Variants in FGF9 observed in about 807,000 individuals in gnomAD.
FGF9 encodes the protein fibroblast growth factor 9.
FGF9 carries 3 observed loss-of-function variants against 19.9 expected under a neutral mutation model. The ratio of observed to expected loss-of-function variants is 0.15; its 90% CI spans 0.07 to 0.39. The LOEUF (loss-of-function observed/expected upper bound fraction) is 0.39. FGF9 is among the 10% of genes least tolerant of loss of function. The pLI is 1.00. For synonymous variants in FGF9, 107 were observed against 106.9 expected, an observed-to-expected ratio of 1.00 and a Z score of -0.01; for missense variants, 175 against 256.8, an observed-to-expected ratio of 0.68 and a Z score of 2.18.
rs933237471 is a variant in FGF9 at position 21,672,403 on chromosome 13, C to T, written c.277+214C>T. Among the ~76,000 whole-genome samples the T allele has an allele frequency of 6.6e-6, 1 of 152,116 alleles. No homozygotes were observed. Among genetic ancestry groups the T allele is most frequent in the Non-Finnish European group, 1.5e-5 (1 of 68,020 alleles). On this transcript the variant is annotated intron_variant, in intron 1 of 2. Transcript: ENST00000382353. This position sits in a 1 kb window ranked among gnomAD's most constrained non-coding sequence, Gnocchi z 4.2. ...TGCTGCTGGCACTGATGCAAGTATA[C>T]ACTGAAAGGCCCCCTACTTTTAATT...
At chr13:21,679,943 T>A in intron 1 of FGF9, among the ~76,000 whole-genome samples, 1 of 113,410 alleles carries the variant, frequency 8.8e-6, no homozygotes, top group African/African-American at 3.6e-5. Context: ...GGCAACAGAG[T>A]AAGACTCCAT....
intron 1 of FGF9, among the ~76,000 whole-genome samples, chr13:21,674,823 A>G (rs1871867420): frequency 1.3e-5 from 2 of 151,332 alleles, no homozygotes; most frequent in African/African-American, 4.9e-5. Context: ...GGCGGGGGCC[A>G]CGCGGGAGGG....
Position 21,671,296 on chromosome 13 carries a change from CTTCT to C in FGF9, c.-614_-611del. On this transcript the variant is annotated 5_prime_UTR_variant, in exon 1 of 3. Coordinates refer to ENST00000382353, the MANE Select transcript of FGF9 (RefSeq NM_002010.3). ...TAGCTTTGGACGCCTAAAGTTTCTT[CTTCT>C]TTTTGTTTTATTATTATTATCATTT... 2.9e-6 allele frequency: 1 copy of C among 343,262 alleles called. No homozygotes were observed. 21.3% of individuals were successfully genotyped at this position (343,262 alleles called of 1,614,324 possible).
rs761935582 is a variant in FGF9, at chr13:21,674,515, G to A, written c.277+2326G>A. 9.6e-4 allele frequency among the ~76,000 whole-genome samples: 146 copies of A among 152,026 alleles called. 2 individuals carry two copies. Among genetic ancestry groups the A allele is most frequent in the Admixed American group, 1.2e-3 (18 of 15,280 alleles). The stretch of plus-strand genomic sequence containing the variant: ...AACCGGGGGAGCCCGGGGTGTGCGC[G>A]GGAGCGCGGCGGGGGCGCACGGCTG... On this transcript the variant is annotated intron_variant, in intron 1 of 2. Coordinates refer to ENST00000382353, the MANE Select transcript of FGF9 (RefSeq NM_002010.3).
At chr13:21,679,956 C>CAAAA (rs551705351) in intron 1 of FGF9, among the ~76,000 whole-genome samples, 1 of 56,742 alleles carries the variant, frequency 1.8e-5, no homozygotes, top group African/African-American at 6.2e-5. Context: ...GACTCCATCT[C>CAAAA]AAAAAAAAAA....
chr13:21,672,262 C>A lies in FGF9; in HGVS notation c.277+73C>A. The A allele has an allele frequency of 6.4e-7, 1 of 1,550,410 alleles. No homozygotes were observed. On this transcript the variant is annotated intron_variant, in intron 1 of 2. Coordinates refer to ENST00000382353, the MANE Select transcript of FGF9 (RefSeq NM_002010.3). This position sits in a 1 kb window ranked among gnomAD's most constrained non-coding sequence, Gnocchi z 4.2. Reference sequence around the variant, plus strand: ...ATTATAACTACCAAGAAGGTGGTGGCCGGGTGGGGGACGTGGGAAGGGTTC... The same window carrying A: ...ATTATAACTACCAAGAAGGTGGTGGACGGGTGGGGGACGTGGGAAGGGTTC...
chr13:21,680,707 G>A (rs944422518), intron 1 of FGF9, among the ~76,000 whole-genome samples: 2 of 152,258 alleles, frequency 1.3e-5, no homozygotes, highest in Admixed American at 6.5e-5. Context: ...TCTACTCTTT[G>A]AAGTTAATTA....
At position 21,701,410 on chromosome 13, in the gene FGF9, A is replaced by G. The variant is rs1357445252; in HGVS notation, c.602A>G (p.Tyr201Cys). 1.2e-6 allele frequency: 2 copies of G among 1,614,110 alleles called. No homozygotes were observed. Among genetic ancestry groups the G allele is most frequent in the Non-Finnish European group, 1.7e-6 (2 of 1,179,986 alleles). The change falls in exon 3 of 3, where the codon TAT (tyrosine) becomes TGT (cysteine). Residue 201 changes from tyrosine to cysteine, a missense_variant. Transcript: ENST00000382353. ...PVDPDKVPEL[Y>C]KDILSQS ...GACCCCGACAAAGTACCTGAACTGT[A>G]TAAGGATATTCTAAGCCAAAGTTGA... is the stretch of plus-strand genomic sequence containing the variant.
Position 21,672,718 on chromosome 13 carries a change from C to A in FGF9, c.277+529C>A, listed in dbSNP as rs1212439318. 6.6e-6 allele frequency among the ~76,000 whole-genome samples: 1 copy of A among 152,188 alleles called. No homozygotes were observed. Among genetic ancestry groups the A allele is most frequent in the African/African-American group, 2.4e-5 (1 of 41,440 alleles). Reference sequence around the variant, plus strand: ...CTGAAAGCCCCATAGGCGAAGGTTGCTGACGGATTGTCCTGTTGGGAGGAC... The same window carrying A: ...CTGAAAGCCCCATAGGCGAAGGTTGATGACGGATTGTCCTGTTGGGAGGAC... On this transcript the variant is annotated intron_variant, in intron 1 of 2. Coordinates refer to ENST00000382353, the MANE Select transcript of FGF9 (RefSeq NM_002010.3). The surrounding 1 kb of genome is among the most constrained non-coding windows in gnomAD (Gnocchi z 4.2).
chr13:21,672,008 G>T lies in FGF9; in HGVS notation c.96G>T (p.Leu32Phe). The change falls in exon 1 of 3, where the codon TTG (leucine) becomes TTT (phenylalanine). Residue 32 changes from leucine (L) to phenylalanine (F), a missense_variant. This residue lies in a region of FGF9 where 69 missense variants were observed against 73.6 expected (regional missense o/e 0.94). Transcript: ENST00000382353. The surrounding 1 kb of genome is among the most constrained non-coding windows in gnomAD (Gnocchi z 4.2). ...TGTTGCCGGTGGACAGCCCGGTTTT[G>T]TTAAGTGACCACCTGGGTCAGTCCG... ...VPVLPVDSPV[L>F]LSDHLGQSEA... 1 of 1,614,196 alleles carries T rather than the reference G, an allele frequency of 6.2e-7. No homozygotes were observed. The highest frequency in any genetic ancestry group is 1.6e-4 in the Middle Eastern group (1 of 6,062).
In FGF9 at chr13:21,672,062, A is replaced by C. The variant is rs769207038; in HGVS notation, c.150A>C (p.Ala50=). ...CAGGGGGGCTCCCCAGGGGACCCGC[A>C]GTCACGGACTTGGATCATTTAAAGG... ...SEAGGLPRGP[A]VTDLDHLKGI... The change falls in exon 1 of 3, where the codon GCA becomes GCC. Residue 50 remains alanine (A), a synonymous_variant. Coordinates refer to ENST00000382353, the MANE Select transcript of FGF9 (RefSeq NM_002010.3). This position sits in a 1 kb window ranked among gnomAD's most constrained non-coding sequence, Gnocchi z 4.2. 1.9e-6 allele frequency: 3 copies of C among 1,614,260 alleles called. No individual in the cohort carries two copies. In the South Asian group the frequency reaches 3.3e-5, roughly 18 times the overall value.
intron 1 of FGF9, among the ~76,000 whole-genome samples, chr13:21,674,799 A>C (rs1446886993): frequency 6.7e-6 from 1 of 150,026 alleles, no homozygotes; most frequent in Non-Finnish European, 1.5e-5. Flanking sequence ...CACTGGAGAG[A>C]GCGCGGATGC....
At chr13:21,676,577 C>T (rs1871920116) in intron 1 of FGF9, among the ~76,000 whole-genome samples, 1 of 152,202 alleles carries the variant, frequency 6.6e-6, no homozygotes, top group African/African-American at 2.4e-5. Context: ...TCCGAACTTA[C>T]CCCGGTGCAG....
intron 2 of FGF9, among the ~76,000 whole-genome samples, chr13:21,697,909 G>A (rs971053392): frequency 1.3e-5 from 2 of 151,196 alleles, no homozygotes; most frequent in African/African-American, 2.4e-5. Context: ...CCGGGTTCAC[G>A]CCATTCTCCT....
Position 21,704,261 on chromosome 13 carries a change from A to G in FGF9, c.*2826A>G, listed in dbSNP as rs889552476. ...CGAGCATGGGCTGAACAACCTTCCC[A>G]TCTGTCATGTGAATGTCCCCAAGCA... On this transcript the variant is annotated 3_prime_UTR_variant, in exon 3 of 3. Transcript: ENST00000382353. The G allele has an allele frequency of 2.6e-5, 4 of 152,226 alleles. No individual in the cohort carries two copies. The highest frequency in any genetic ancestry group is 4.4e-5 in the Non-Finnish European group (3 of 68,048). The allele number at this position is 152,226 out of a possible 1,614,324, so 9.4% of individuals were successfully genotyped here. A position where few individuals can be genotyped will look rare whatever the true frequency, so the allele number is the denominator to read the frequency against.
chr13:21,695,521 C>T (rs1872387349), intron 2 of FGF9, among the ~76,000 whole-genome samples: 1 of 152,048 alleles, frequency 6.6e-6, no homozygotes, highest in African/African-American at 2.4e-5. Flanking sequence ...GCCCTCTTGC[C>T]TCGTCTGTCT....
rs189839604 is a variant in FGF9 at position 21,677,664 on chromosome 13, A to G, written c.278-3378A>G. 2.8e-3 allele frequency among the ~76,000 whole-genome samples: 424 copies of G among 152,264 alleles called. 3 individuals are homozygous for G. Among genetic ancestry groups the G allele is most frequent in the South Asian group, 3.3e-3 (16 of 4,822 alleles). On this transcript the variant is annotated intron_variant, in intron 1 of 2. Coordinates refer to ENST00000382353, the MANE Select transcript of FGF9 (RefSeq NM_002010.3). ...GATCTTCCTGACCTTACAACAGTGG[A>G]ATTCTTTGCATGGGGGAGAATGACT...
intron 2 of FGF9, among the ~76,000 whole-genome samples, chr13:21,700,253 CTCT>C (rs954080474): frequency 2.2e-4 from 33 of 152,070 alleles, no homozygotes; most frequent in African/African-American, 3.1e-4. Flanking sequence ...AGTTAGGGGT[CTCT>C]TCTTCTATGT....
intron 1 of FGF9, among the ~76,000 whole-genome samples, chr13:21,676,459 T>G (rs1042379360): frequency 2.0e-5 from 3 of 152,210 alleles, no homozygotes; most frequent in Non-Finnish European, 4.4e-5. Context: ...TTTAAGGAGA[T>G]GGTTTTAGGA....
Sources: gnomAD v4.1 joint callset for allele counts (sites outside exome capture counted in the v4.1 genomes callset) on GRCh38, gnomAD v4.1.1 for gene constraint, gnomAD v4.1.1 regional missense constraint, Gnocchi (gnomAD v3.1) non-coding constraint, MANE v1.5 for transcripts, NCBI Gene and HGNC (gene_info 2026-07-23, HGNC 2026-07-21) for gene names.